UBR4: variants seen among roughly 807,000 people sequenced by gnomAD.
UBR4 encodes ubiquitin protein ligase E3 component n-recognin 4.
Under a neutral mutation model 575.6 loss-of-function variants are expected in UBR4, and 124 were observed. That is an observed-to-expected ratio of 0.22 (90% confidence interval 0.19 to 0.25). The LOEUF (loss-of-function observed/expected upper bound fraction) is 0.25. Ranked by LOEUF, UBR4 falls within the 10% of genes least tolerant of loss-of-function variation. The pLI, the probability that UBR4 is intolerant of heterozygous loss-of-function variation, is 1.00. For missense variants in UBR4, 4,818 were observed against 6,478.8 expected (o/e 0.74, Z 8.80); for synonymous variants, 2,455 against 2,473.7 (o/e 0.99, Z 0.22).
At chr1:19,203,692 G>C (rs1444830177) in intron 1 of UBR4, among the ~76,000 whole-genome samples, 2 of 152,078 alleles carry the variant, frequency 1.3e-5, no homozygotes, top group African/African-American at 4.8e-5. Context: ...CGAGCACTTT[G>C]CTATATGCAG....
chr1:19,186,833 C>T (rs879459087), intron 13 of UBR4, among the ~76,000 whole-genome samples, 176 bp from the exon 14 acceptor site: 4 of 152,080 alleles, frequency 2.6e-5, no homozygotes, highest in Non-Finnish European at 4.4e-5. Context: ...CAACCAGAGA[C>T]GTGGACAAGA....
At chr1:19,085,384 T>C (rs2076914385) in intron 101 of UBR4, among the ~76,000 whole-genome samples, 1 of 152,204 alleles carries the variant, frequency 6.6e-6, no homozygotes, top group Non-Finnish European at 1.5e-5. Flanking sequence ...TAGCTGGGCA[T>C]GGTGGCAGGC....
intron 51 of UBR4, 38 bp from the exon 52 acceptor site, chr1:19,147,038 C>T (rs2084965528): frequency 6.5e-7 from 1 of 1,539,472 alleles, no homozygotes; most frequent in African/African-American, 1.4e-5. Flanking sequence ...CAGCCATAAG[C>T]AAGAGCTGGG....
At position 19,199,745 on chromosome 1, in the gene UBR4, T is replaced by C. The variant is rs745630600; in HGVS notation, c.284A>G (p.Asn95Ser). The C allele has an allele frequency of 6.2e-6, 10 of 1,613,998 alleles. No individual in the cohort carries two copies. The highest frequency in any genetic ancestry group is 8.5e-6 in the Non-Finnish European group (10 of 1,180,000). The change falls in exon 3 of 106, where the codon AAC becomes AGC. Residue 95 changes from asparagine (N) to serine (S), a missense_variant. Around this residue, in one of 29 missense-constraint regions of UBR4, gnomAD observed 85 missense variants for 134.2 expected, o/e 0.63. Coordinates refer to ENST00000375254, the MANE Select transcript of UBR4 (RefSeq NM_020765.3). Reference protein sequence around the residue: ...ITTVCSLIPRNQLQSVAAACK... With the variant: ...ITTVCSLIPRSQLQSVAAACK... ...GGCTGCTGCCACTGACTGAAGTTGGTTCCGGGGAACTGAGAAAGTAATAAA... is the reference window on the plus strand; with the variant it reads ...GGCTGCTGCCACTGACTGAAGTTGGCTCCGGGGAACTGAGAAAGTAATAAA...
rs568014282 is a variant in UBR4 at position 19,177,343 on chromosome 1, C to T, written c.2637+118G>A. On this transcript the variant is annotated intron_variant, in intron 19 of 105. Coordinates refer to ENST00000375254, the MANE Select transcript of UBR4 (RefSeq NM_020765.3). The stretch of plus-strand genomic sequence containing the variant: ...TGGTCCTCCTAATCCTACCCATCAA[C>T]CTACCAAAACCTAAAACCTAAAGTG... 1.6e-3 allele frequency: 2,113 copies of T among 1,318,578 alleles called. 11 individuals carry two copies. The highest frequency in any genetic ancestry group is 7.4e-3 in the South Asian group (521 of 70,526). 81.7% of individuals were successfully genotyped at this position (1,318,578 alleles called of 1,614,324 possible). A position where few individuals can be genotyped will look rare whatever the true frequency, so the allele number is the denominator to read the frequency against.
rs774113533 is a variant in UBR4 at position 19,197,933 on chromosome 1, G to T, written c.751+14C>A. On this transcript the variant is annotated intron_variant, in intron 6 of 105. Coordinates refer to ENST00000375254, the MANE Select transcript of UBR4 (RefSeq NM_020765.3). ...CCCAGAAATCAGCTTTCTGATAACA[G>T]TTGGGAGTCTTACCAAGCTCTTGAA... 6.2e-7 allele frequency: 1 copy of T among 1,614,044 alleles called. No individual in the cohort carries two copies. The highest frequency in any genetic ancestry group is 8.5e-7 in the Non-Finnish European group (1 of 1,179,956).
At position 19,077,983 on chromosome 1, in the gene UBR4, ATGT is replaced by A. The variant is rs2076123979; in HGVS notation, c.15314_15316del (p.Asn5105del). 1 of 1,613,982 alleles carries A rather than the reference ATGT, an allele frequency of 6.2e-7. No homozygotes were observed. ...CTCTGACAGCCTCCTTACCTTAAACATGTTGTAAATGAGATCGACGAGGGCCCA... is the reference window on the plus strand; with the variant it reads ...CTCTGACAGCCTCCTTACCTTAAACATGTAAATGAGATCGACGAGGGCCCA... On this transcript the variant is annotated inframe_deletion, in exon 104 of 106. Transcript: ENST00000375254.
chr1:19,161,005 C>T lies in UBR4; in HGVS notation c.5318G>A (p.Ser1773Asn). The T allele has an allele frequency of 6.2e-7, 1 of 1,614,172 alleles. No individual in the cohort carries two copies. Among genetic ancestry groups the T allele is most frequent in the Non-Finnish European group, 8.5e-7 (1 of 1,180,028 alleles). ...CTCTTCGTCAGCAACCTTTCCATCA[C>T]TGATGGTAACCTTGGCTTTGTCAGC... Reference protein sequence around the residue: ...SPADKAKVTISDGKVADEEKP... With the variant: ...SPADKAKVTINDGKVADEEKP... The change falls in exon 38 of 106, where the codon AGT becomes AAT. Residue 1773 changes from serine to asparagine, a missense_variant. This residue lies in a region of UBR4 where 159 missense variants were observed against 174.6 expected (regional missense o/e 0.91). Transcript: ENST00000375254.
In UBR4 at chr1:19,160,160, C is replaced by A. The variant is rs2087098949; in HGVS notation, c.5528G>T (p.Ser1843Ile). Residue 1843 changes from serine to isoleucine, a missense_variant, in exon 39 of 106, where the codon AGT becomes ATT. By Grantham distance (142) the Ser-to-Ile change is moderately radical. Coordinates refer to ENST00000375254, the MANE Select transcript of UBR4 (RefSeq NM_020765.3). Reference sequence around the variant, plus strand: ...TGCCTTCTCCACAGTGTGTAGCTCACTGAGGGCTTGCTGAGCACGGCTGCT... The same window carrying A: ...TGCCTTCTCCACAGTGTGTAGCTCAATGAGGGCTTGCTGAGCACGGCTGCT... ...GSSSRAQQAL[S>I]ELHTVEKAVE... The A allele has an allele frequency of 6.2e-7, 1 of 1,614,102 alleles. No individual in the cohort carries two copies. Among genetic ancestry groups the A allele is most frequent in the Non-Finnish European group, 8.5e-7 (1 of 1,180,020 alleles).
chr1:19,159,949 TA>T (rs1334185996), intron 39 of UBR4, among the ~76,000 whole-genome samples, 161 bp downstream of exon 39: 3 of 152,128 alleles, frequency 2.0e-5, no homozygotes, highest in African/African-American at 7.2e-5. Flanking sequence ...ACACTGTTCA[TA>T]ATATGTTCTG....
intron 94 of UBR4, 145 bp from the exon 95 acceptor site, chr1:19,094,284 T>C: frequency 1.7e-6 from 1 of 602,810 alleles, no homozygotes; most frequent in Non-Finnish European, 2.9e-6. Context: ...TCTTGGGGAA[T>C]AACAAACAGT....
At chr1:19,171,947 G>T (rs1364838257) in intron 25 of UBR4, among the ~76,000 whole-genome samples, 1 of 152,256 alleles carries the variant, frequency 6.6e-6, no homozygotes, top group Middle Eastern at 3.4e-3. Context: ...GCTGCAAAGG[G>T]AACTAATTCT....
rs2081956742 is a variant in UBR4 at position 19,127,514 on chromosome 1, G to A, written c.9228+109C>T. 5 of 828,816 alleles carry A rather than the reference G, an allele frequency of 6.0e-6. No homozygotes were observed. In the South Asian group the frequency reaches 6.1e-5, roughly 10 times the overall value. 51.3% of individuals were successfully genotyped at this position (828,816 alleles called of 1,614,324 possible). ...AGCTTAGAATCTTACTCCCCTCAGG[G>A]AACAATGGCTTTATTCTTACAGAGG... is the stretch of plus-strand genomic sequence containing the variant. On this transcript the variant is annotated intron_variant, in intron 63 of 105. Coordinates refer to ENST00000375254, the MANE Select transcript of UBR4 (RefSeq NM_020765.3).
intron 70 of UBR4, 21 bp from the exon 71 acceptor site, chr1:19,118,978 G>C (rs1570705002): frequency 1.9e-6 from 3 of 1,611,276 alleles, no homozygotes; most frequent in South Asian, 2.2e-5. Context: ...ATTCAGTAAA[G>C]AAACAACTTA....
chr1:19,209,897 G>A (rs2093228753), intron 1 of UBR4, among the ~76,000 whole-genome samples, 176 bp downstream of exon 1: 2 of 152,202 alleles, frequency 1.3e-5, no homozygotes, highest in Admixed American at 1.3e-4. Flanking sequence ...ATTTACATGC[G>A]TTGGCGGAGG....
rs376057067 is a variant in UBR4 at position 19,096,481 on chromosome 1, T to G, written c.13518+42A>C. 3.7e-6 allele frequency: 6 copies of G among 1,600,376 alleles called. No homozygotes were observed. The Admixed American group carries it at 5.1e-5, about 14-fold the overall frequency. ...TTCTTTCCACAGGGGCCTCTCCCAGTGCAGAAAGGCTGGCCCCCACAACTT... is the reference window on the plus strand; with the variant it reads ...TTCTTTCCACAGGGGCCTCTCCCAGGGCAGAAAGGCTGGCCCCCACAACTT... On this transcript the variant is annotated intron_variant, in intron 92 of 105. Coordinates refer to ENST00000375254, the MANE Select transcript of UBR4 (RefSeq NM_020765.3).
Position 19,112,521 on chromosome 1 carries a change from G to T in UBR4, c.11801+3C>A, listed in dbSNP as rs1237330576. The T allele has an allele frequency of 1.2e-6, 2 of 1,605,104 alleles. No individual in the cohort carries two copies. The highest frequency in any genetic ancestry group is 1.1e-5 in the South Asian group (1 of 89,152). The stretch of plus-strand genomic sequence containing the variant: ...GGCCCATAACCATGGTGTAGGTACT[G>T]ACCGAGTTAGGAGGCACATGAGCTG... On this transcript the variant is annotated splice_donor_region_variant and intron_variant, in intron 78 of 105. Coordinates refer to ENST00000375254, the MANE Select transcript of UBR4 (RefSeq NM_020765.3).
Position 19,160,916 on chromosome 1 carries a change from C to A in UBR4, c.5406+1G>T. On this transcript the variant is annotated splice_donor_variant, in intron 38 of 105. Transcript: ENST00000375254. LOFTEE classifies it high-confidence loss of function. ...TACTAGGGAGCATCAGTCAGCCCCA[C>A]CTGGTTCTGTAATTCCTCCCGGCAG... 1 of 1,614,098 alleles carries A rather than the reference C, an allele frequency of 6.2e-7. No individual in the cohort carries two copies. Among genetic ancestry groups the A allele is most frequent in the Non-Finnish European group, 8.5e-7 (1 of 1,179,986 alleles).
rs952941620 is a variant in UBR4 at position 19,169,465 on chromosome 1, A to G, written c.3711T>C (p.Asn1237=). The change falls in exon 27 of 106, where the codon AAT becomes AAC. Residue 1237 remains asparagine (N), a synonymous_variant. Transcript: ENST00000375254. ...QTVCESWNNI[N]TNEFPNIGSW... is the part of the protein sequence containing the mutation. ...ATCCAATATTGGGAAATTCATTGGT[A>G]TTGATGTTGTTCCAGGACTCACACA... 1 of 1,613,960 alleles carries G rather than the reference A, an allele frequency of 6.2e-7. No individual in the cohort carries two copies. Among genetic ancestry groups the G allele is most frequent in the African/African-American group, 1.3e-5 (1 of 75,048 alleles).
Sources: allele counts gnomAD v4.1 joint callset (sites outside exome capture counted in the v4.1 genomes callset), GRCh38; gene constraint gnomAD v4.1.1; regional missense constraint gnomAD v4.1.1; transcripts MANE v1.5; gene names NCBI Gene and HGNC (gene_info 2026-07-23, HGNC 2026-07-21).